Variants in CDCA8 observed in about 807,000 individuals in gnomAD.
CDCA8 encodes cell division cycle associated 8.
CDCA8 carries 25 observed loss-of-function variants against 40.0 expected under a neutral mutation model. That is an observed-to-expected ratio of 0.63 (90% CI 0.46 to 0.87). The LOEUF (loss-of-function observed/expected upper bound fraction) is 0.87, where lower values mean the gene tolerates loss of function less well. CDCA8 is among the 40% of genes least tolerant of loss of function. The pLI is 0.00. For synonymous variants in CDCA8, 111 were observed against 126.5 expected (o/e 0.88, Z 0.82); for missense variants, 280 against 348.4 (o/e 0.80, Z 1.56).
intron 3 of CDCA8, 85 bp from the exon 4 acceptor site, chr1:37,698,820 G>GTT (rs769826381): frequency 8.9e-6 from 8 of 896,914 alleles, no homozygotes; most frequent in South Asian, 2.8e-5. Flanking sequence ...TTAAATAATA[G>GTT]TTTTAAAAAA....
intron 4 of CDCA8, among the ~76,000 whole-genome samples, chr1:37,700,132 A>G (rs1460942120): frequency 6.6e-6 from 1 of 152,182 alleles, no homozygotes; most frequent in Non-Finnish European, 1.5e-5. Context: ...TCCAATTCTT[A>G]TAAGAACATC....
At chr1:37,708,224 A>C in intron 9 of CDCA8, 98 bp from the exon 10 acceptor site, 1 of 1,011,278 alleles carries the variant, frequency 9.9e-7, no homozygotes, top group Non-Finnish European at 1.6e-6. Context: ...TGTGTGATAC[A>C]GATAGAGAAT....
At chr1:37,694,339 T>C (rs571876007) in intron 2 of CDCA8, among the ~76,000 whole-genome samples, 2 of 152,234 alleles carry the variant, frequency 1.3e-5, no homozygotes, top group African/African-American at 2.4e-5. Flanking sequence ...ATATTAGACA[T>C]TGAATGATCC....
At chr1:37,706,463 A>G (rs761904705) in intron 8 of CDCA8, among the ~76,000 whole-genome samples, 7 of 152,210 alleles carry the variant, frequency 4.6e-5, no homozygotes, top group Non-Finnish European at 1.0e-4. Context: ...CCCAAGAAGT[A>G]GACATGGGGC....
At chr1:37,697,265 G>A (rs1409581629) in intron 3 of CDCA8, among the ~76,000 whole-genome samples, 1 of 152,190 alleles carries the variant, frequency 6.6e-6, no homozygotes, top group African/African-American at 2.4e-5. Flanking sequence ...TCACACCCAT[G>A]GCGATGATTT....
Position 37,695,877 on chromosome 1 carries a change from A to T in CDCA8, c.224-33A>T, listed in dbSNP as rs201165452. ...ATTAGGCAAGATGATTTATTGTTAA[A>T]ATGTAATAGTAACTACAACGTTCTT... On this transcript the variant is annotated intron_variant, in intron 2 of 9. Transcript: ENST00000373055. The T allele has an allele frequency of 3.5e-4, 561 of 1,600,712 alleles. 4 individuals carry two copies. In the Middle Eastern group the frequency reaches 9.1e-3, roughly 26 times the overall value.
At chr1:37,700,560 A>C in intron 5 of CDCA8, 39 bp downstream of exon 5, 1 of 1,185,824 alleles carries the variant, frequency 8.4e-7, no homozygotes, top group East Asian at 2.3e-5. Context: ...GGGTTATCAC[A>C]AGACAAGCAA....
rs949512137 is a variant in CDCA8 at position 37,692,669 on chromosome 1, C to T, written c.-22C>T. The T allele has an allele frequency of 6.2e-7, 1 of 1,603,142 alleles. No individual in the cohort carries two copies. Among genetic ancestry groups the T allele is most frequent in the South Asian group, 1.1e-5 (1 of 90,690 alleles). ...CTTCCCTGCCCCATCTCCGCCGCTCCCCGCAGCCTCCGCCGAGCGCCATGG... is the reference window on the plus strand; with the variant it reads ...CTTCCCTGCCCCATCTCCGCCGCTCTCCGCAGCCTCCGCCGAGCGCCATGG... On this transcript the variant is annotated 5_prime_UTR_variant, in exon 1 of 10. Coordinates refer to ENST00000373055, the MANE Select transcript of CDCA8 (RefSeq NM_001256875.2).
rs576583664 is a variant in CDCA8 at position 37,694,463 on chromosome 1, A to G, written c.223+1430A>G. On this transcript the variant is annotated intron_variant, in intron 2 of 9. Transcript: ENST00000373055. Reference sequence around the variant, plus strand: ...AGATGCACTAGGGAATAAAACAGACATTGTCTCTGCCTTCAGGAACATACA... The same window carrying G: ...AGATGCACTAGGGAATAAAACAGACGTTGTCTCTGCCTTCAGGAACATACA... 3.3e-5 allele frequency among the ~76,000 whole-genome samples: 5 copies of G among 152,350 alleles called. No homozygotes were observed. The South Asian group carries it at 1.0e-3, about 32-fold the overall frequency.
chr1:37,707,559 T>C (rs959358337), intron 9 of CDCA8, among the ~76,000 whole-genome samples: 21 of 148,448 alleles, frequency 1.4e-4, no homozygotes, highest in African/African-American at 5.1e-4. Flanking sequence ...CCAGGTTCTG[T>C]GCTTACTTAA....
intron 7 of CDCA8, among the ~76,000 whole-genome samples, chr1:37,704,196 A>G (rs1050358816): frequency 8.5e-5 from 13 of 152,146 alleles, no homozygotes; most frequent in African/African-American, 3.1e-4. Flanking sequence ...CGGCCTTCCA[A>G]TGTACTGGGA....
chr1:37,702,641 G>C (rs1645572935), intron 6 of CDCA8, among the ~76,000 whole-genome samples: 2 of 152,094 alleles, frequency 1.3e-5, no homozygotes, highest in Non-Finnish European at 2.9e-5. Flanking sequence ...TGAAGAGGCT[G>C]TCTCCTTGAT....
chr1:37,705,481 G>A lies in CDCA8; in HGVS notation c.625G>A (p.Glu209Lys), dbSNP rs1008436119. ...TGGCCTGCGTACTCCAGCAGCAGGA[G>A]AGCGGATTTACAACATCTCAGGGAA... ...TPGLRTPAAG[E>K]RIYNISGNGS... is the part of the protein sequence containing the mutation. The change falls in exon 8 of 10, where the codon GAG becomes AAG. Residue 209 changes from glutamate (E) to lysine (K), a missense_variant. Coordinates refer to ENST00000373055, the MANE Select transcript of CDCA8 (RefSeq NM_001256875.2). The A allele has an allele frequency of 4.3e-6, 7 of 1,613,966 alleles. No homozygotes were observed. The highest frequency in any genetic ancestry group is 5.9e-6 in the Non-Finnish European group (7 of 1,180,032).
At chr1:37,695,211 T>C (rs1180745675) in intron 2 of CDCA8, among the ~76,000 whole-genome samples, 2 of 149,618 alleles carry the variant, frequency 1.3e-5, no homozygotes, top group Admixed American at 1.3e-4. Context: ...TAATTAAAAA[T>C]AAATTTTTAA....
intron 4 of CDCA8, among the ~76,000 whole-genome samples, chr1:37,699,672 C>T (rs1645550639): frequency 6.6e-6 from 1 of 152,074 alleles, no homozygotes; most frequent in African/African-American, 2.4e-5. Flanking sequence ...GTAATCCAAG[C>T]ACTTTGGGAG....
At chr1:37,708,172 TC>T in intron 9 of CDCA8, 149 bp from the exon 10 acceptor site, 1 of 673,218 alleles carries the variant, frequency 1.5e-6, no homozygotes. Context: ...GTTATTTTAC[TC>T]CCTTGTTCAG....
Position 37,703,342 on chromosome 1 carries a change from C to G in CDCA8, c.579C>G (p.Asp193Glu). 1 of 1,610,326 alleles carries G rather than the reference C, an allele frequency of 6.2e-7. No homozygotes were observed. The highest frequency in any genetic ancestry group is 8.5e-7 in the Non-Finnish European group (1 of 1,176,480). ...KPTPGLTPRFDSRVFKTPGLR... is the reference protein window; with the variant it reads ...KPTPGLTPRFESRVFKTPGLR... ...CTCCAGGCCTGACACCCAGGTTTGA[C>G]TCAAGGTGAGTATCGAGGGAAACAC... The change falls in exon 7 of 10, where the codon GAC becomes GAG. Residue 193 changes from aspartate (D) to glutamate (E), a missense_variant. Asp to Glu is a conservative substitution (Grantham distance 45). Coordinates refer to ENST00000373055, the MANE Select transcript of CDCA8 (RefSeq NM_001256875.2).
At chr1:37,705,309 TTTAGAACGTGCTTTC>T in intron 7 of CDCA8, 117 bp from the exon 8 acceptor site, 1 of 744,906 alleles carries the variant, frequency 1.3e-6, no homozygotes, top group East Asian at 2.5e-5. Flanking sequence ...TTTTTCTAAA[TTTAGAACGTGCTTTC>T]TTAGGAATGT....
chr1:37,701,154 C>G (rs1645560709), intron 5 of CDCA8, among the ~76,000 whole-genome samples: 1 of 152,122 alleles, frequency 6.6e-6, no homozygotes, highest in Admixed American at 6.5e-5. Context: ...TTGAGAGATA[C>G]ACTGCCTCCC....
Sources: gnomAD v4.1 joint callset for allele counts (sites outside exome capture counted in the v4.1 genomes callset) on GRCh38, gnomAD v4.1.1 for gene constraint, MANE v1.5 for transcripts, NCBI Gene and HGNC (gene_info 2026-07-23, HGNC 2026-07-21) for gene names.